Variants in ATF7IP observed in about 807,000 individuals in gnomAD.
The protein encoded by ATF7IP is activating transcription factor 7-interacting protein 1.
Under a neutral mutation model 106.4 loss-of-function variants are expected in ATF7IP, and 23 were observed. The ratio of observed to expected loss-of-function variants is 0.22; its 90% CI spans 0.16 to 0.31. The LOEUF (loss-of-function observed/expected upper bound fraction) is 0.31. ATF7IP is among the 10% of genes least tolerant of loss of function. ATF7IP has a pLI of 1.00. For synonymous variants in ATF7IP, 542 were observed against 539.0 expected, an observed-to-expected ratio of 1.01 and a Z score of -0.08; for missense variants, 1,334 against 1,524.3, an observed-to-expected ratio of 0.88 and a Z score of 2.08.
At chr12:14,494,053 A>C (rs765246670) in intron 13 of ATF7IP, among the ~76,000 whole-genome samples, 9 of 151,786 alleles carry the variant, frequency 5.9e-5, no homozygotes, top group Non-Finnish European at 1.0e-4. Context: ...GGAGTGTCAA[A>C]TGCATTTATT....
rs553936275 is a variant in ATF7IP, at chr12:14,427,800, A to C, written c.1558+2327A>C. On this transcript the variant is annotated intron_variant, in intron 2 of 14. Transcript: ENST00000261168. ...TTGGTACTACTATCATAATAGATCT[A>C]GAGTCCAATTCACAACTGTTATTAC... is the stretch of plus-strand genomic sequence containing the variant. Among the ~76,000 whole-genome samples the C allele has an allele frequency of 3.3e-5, 5 of 152,294 alleles. No individual in the cohort carries two copies. In the South Asian group the frequency reaches 1.0e-3, roughly 32 times the overall value.
rs937005637 is a variant in ATF7IP, at chr12:14,400,946, A to AT, written c.-7-22955dup. 4.0e-5 allele frequency among the ~76,000 whole-genome samples: 6 copies of AT among 151,370 alleles called. No homozygotes were observed. In the South Asian group the frequency reaches 1.0e-3, roughly 26 times the overall value. On this transcript the variant is annotated intron_variant, in intron 1 of 14. Coordinates refer to ENST00000261168, the MANE Select transcript of ATF7IP (RefSeq NM_018179.5). ...ATGAATTGCCTGCTCACGTTTCTGT[A>AT]TTTTTTTTCCAACTGTTTGTCCTTT... is the stretch of plus-strand genomic sequence containing the variant.
intron 13 of ATF7IP, among the ~76,000 whole-genome samples, chr12:14,493,474 C>T (rs1003492934): frequency 6.6e-6 from 1 of 152,186 alleles, no homozygotes; most frequent in Non-Finnish European, 1.5e-5. Context: ...GAAGCCATCA[C>T]TCTTGCCTCA....
rs760998172 is a variant in ATF7IP, at chr12:14,436,144, A to G, written c.1684A>G (p.Met562Val). The G allele has an allele frequency of 1.1e-5, 18 of 1,613,398 alleles. No homozygotes were observed. Among genetic ancestry groups the G allele is most frequent in the Middle Eastern group, 3.3e-4 (2 of 6,070 alleles). Residue 562 changes from methionine to valine, a missense_variant, in exon 4 of 15, where the codon ATG becomes GTG. This residue lies in a region of ATF7IP where 119 missense variants were observed against 117.8 expected (regional missense o/e 1.01). Transcript: ENST00000261168. ...ACGAAAACGTTCTAAATCAGAAGAC[A>G]TGGACAATGTACAGTCTAAACGTCG... is the stretch of plus-strand genomic sequence containing the variant. ...SRRKRSKSED[M>V]DNVQSKRRRY...
chr12:14,474,679 G>A (rs1944193665), intron 10 of ATF7IP, among the ~76,000 whole-genome samples: 2 of 152,116 alleles, frequency 1.3e-5, no homozygotes, highest in Admixed American at 6.6e-5. Context: ...GATTACAGGC[G>A]CGAGCCACTG....
In ATF7IP at chr12:14,424,678, G is replaced by A. The variant is rs767068242; in HGVS notation, c.763G>A (p.Ala255Thr). ...CACTGATCCAGCCTCTGATGATCTG[G>A]CCTCTGGTGATCTATCCTCTAGTGA... The part of the protein sequence containing the change: ...ASTDPASDDL[A>T]SGDLSSSELA... The change falls in exon 2 of 15, where the codon GCC becomes ACC. Residue 255 changes from alanine to threonine, a missense_variant. Transcript: ENST00000261168. 1.2e-6 allele frequency: 2 copies of A among 1,614,038 alleles called. No homozygotes were observed. Among genetic ancestry groups the A allele is most frequent in the East Asian group, 4.5e-5 (2 of 44,874 alleles).
At chr12:14,414,374 G>C (rs1041344060) in intron 1 of ATF7IP, among the ~76,000 whole-genome samples, 5 of 152,172 alleles carry the variant, frequency 3.3e-5, no homozygotes, top group African/African-American at 1.2e-4. Context: ...AAATAAGCTT[G>C]TCCTGCCGAG....
chr12:14,434,561 G>T (rs1942309060), intron 3 of ATF7IP, 138 bp downstream of exon 3: 2 of 597,778 alleles, frequency 3.3e-6, no homozygotes, highest in Admixed American at 3.7e-5. Flanking sequence ...CCATTTTGTT[G>T]ATGGCTAACT....
At chr12:14,471,748 G>C (rs1233791235) in intron 10 of ATF7IP, among the ~76,000 whole-genome samples, 1 of 152,012 alleles carries the variant, frequency 6.6e-6, no homozygotes, top group Non-Finnish European at 1.5e-5. Flanking sequence ...AGAATAGCAT[G>C]GGGGAAACTG....
At chr12:14,460,412 TATTTA>T (rs1943592682) in intron 8 of ATF7IP, 78 bp from the exon 9 acceptor site, 1 of 1,333,402 alleles carries the variant, frequency 7.5e-7, no homozygotes, top group African/African-American at 1.5e-5. Context: ...TTACGCAATG[TATTTA>T]ATTTGTGTCT....
intron 1 of ATF7IP, among the ~76,000 whole-genome samples, chr12:14,401,484 A>G (rs1410406449): frequency 1.3e-5 from 2 of 152,100 alleles, no homozygotes; most frequent in Admixed American, 6.5e-5. Flanking sequence ...GGCGTGAGCC[A>G]TCGTGCCTGG....
chr12:14,459,731 A>G (rs772718135), intron 8 of ATF7IP, among the ~76,000 whole-genome samples: 6 of 152,236 alleles, frequency 3.9e-5, no homozygotes, highest in Non-Finnish European at 8.8e-5. Context: ...TGGAAAGACT[A>G]TAAATCAATG....
intron 13 of ATF7IP, 103 bp downstream of exon 13, chr12:14,481,288 T>A: frequency 9.8e-7 from 1 of 1,017,662 alleles, no homozygotes; most frequent in South Asian, 1.5e-5. Flanking sequence ...AAATTTCTTA[T>A]AATGTCATAT....
intron 10 of ATF7IP, among the ~76,000 whole-genome samples, chr12:14,473,990 G>C (rs1944159119): frequency 6.6e-6 from 1 of 151,790 alleles, no homozygotes; most frequent in Non-Finnish European, 1.5e-5. Context: ...GTATAGTTAT[G>C]ATTTCTTAGT....
intron 5 of ATF7IP, among the ~76,000 whole-genome samples, chr12:14,443,717 T>C (rs1942818180): frequency 6.6e-6 from 1 of 152,182 alleles, no homozygotes; most frequent in East Asian, 1.9e-4. Flanking sequence ...GTGTCAGTCT[T>C]GGGCAATACA....
intron 8 of ATF7IP, among the ~76,000 whole-genome samples, chr12:14,458,833 A>G (rs2136713528): frequency 6.6e-6 from 1 of 152,292 alleles, no homozygotes; most frequent in African/African-American, 2.4e-5. Context: ...AGAAAAAAAA[A>G]AAAATCCATT....
At chr12:14,393,763 T>TA (rs1393313817) in intron 1 of ATF7IP, among the ~76,000 whole-genome samples, 1 of 152,220 alleles carries the variant, frequency 6.6e-6, no homozygotes, top group African/African-American at 2.4e-5. Flanking sequence ...TCTGGATTGT[T>TA]ACTTTAAAAT....
At chr12:14,411,562 G>GAA (rs542564452) in intron 1 of ATF7IP, among the ~76,000 whole-genome samples, 3 of 144,448 alleles carry the variant, frequency 2.1e-5, no homozygotes, top group Non-Finnish European at 3.1e-5. Context: ...AACAGAAAAA[G>GAA]AAAAAAAAAA....
intron 10 of ATF7IP, among the ~76,000 whole-genome samples, chr12:14,467,780 AAT>A (rs1436353433): frequency 6.6e-6 from 1 of 151,984 alleles, no homozygotes; most frequent in African/African-American, 2.4e-5. Flanking sequence ...TGTGCTATCT[AAT>A]ATGATAGCCA....
Sources: gnomAD v4.1 joint callset for allele counts (sites outside exome capture counted in the v4.1 genomes callset) on GRCh38, gnomAD v4.1.1 for gene constraint, gnomAD v4.1.1 regional missense constraint, MANE v1.5 for transcripts, NCBI Gene and HGNC (gene_info 2026-07-23, HGNC 2026-07-21) for gene names.